Variants in RNF111 observed in about 807,000 individuals in gnomAD.
The protein encoded by RNF111 is E3 ubiquitin-protein ligase Arkadia.
A neutral mutation model predicts 95.1 loss-of-function variants in RNF111; 17 were observed. The observed-to-expected ratio is 0.18, with a 90% confidence interval of 0.12 to 0.27. RNF111 has a LOEUF of 0.27. Among genes scored for constraint, RNF111 ranks in the 10% least tolerant of loss-of-function variants. The pLI is 1.00. For synonymous variants in RNF111, 440 were observed against 414.8 expected (o/e 1.06, Z -0.74); for missense variants, 1,189 against 1,210.4 (o/e 0.98, Z 0.26).
At chr15:59,008,181 T>C (rs1336656294) in intron 1 of RNF111, among the ~76,000 whole-genome samples, 3 of 152,186 alleles carry the variant, frequency 2.0e-5, no homozygotes, top group African/African-American at 7.2e-5. Flanking sequence ...GATTCCTTTT[T>C]TTCCTATCTG....
At chr15:59,066,225 C>T (rs1406730721) in intron 5 of RNF111, among the ~76,000 whole-genome samples, 4 of 152,202 alleles carry the variant, frequency 2.6e-5, no homozygotes, top group Admixed American at 6.5e-5. Context: ...TTACACATCA[C>T]AGTAAATATG....
intron 6 of RNF111, among the ~76,000 whole-genome samples, chr15:59,067,979 G>A (rs941012129): frequency 5.3e-5 from 8 of 152,172 alleles, no homozygotes; most frequent in South Asian, 2.1e-4. Flanking sequence ...TATTGAGTTC[G>A]CAAAATGTCA....
chr15:59,071,627 G>A (rs374341831), intron 6 of RNF111, among the ~76,000 whole-genome samples: 47 of 151,860 alleles, frequency 3.1e-4, no homozygotes, highest in African/African-American at 1.1e-3. Flanking sequence ...CCTAGGAGGT[G>A]GAGCTTGCAG....
chr15:59,020,490 G>A (rs190517776), intron 1 of RNF111, among the ~76,000 whole-genome samples: 1 of 152,210 alleles, frequency 6.6e-6, no homozygotes, highest in East Asian at 1.9e-4. Flanking sequence ...CCTTCATTTT[G>A]CTATTGGCTG....
intron 1 of RNF111, among the ~76,000 whole-genome samples, chr15:58,997,987 C>G (rs2039156075): frequency 6.6e-6 from 1 of 151,740 alleles, no homozygotes; most frequent in African/African-American, 2.4e-5. Context: ...TCACTGTAAT[C>G]TCTGCCTCCC....
intron 5 of RNF111, among the ~76,000 whole-genome samples, chr15:59,064,955 A>G (rs1321416437): frequency 6.6e-6 from 1 of 151,890 alleles, no homozygotes; most frequent in Non-Finnish European, 1.5e-5. Flanking sequence ...TGAACCCATA[A>G]TTCCCTTTAT....
chr15:58,990,523 G>C (rs377105852), intron 1 of RNF111, among the ~76,000 whole-genome samples: 10 of 152,252 alleles, frequency 6.6e-5, no homozygotes, highest in Non-Finnish European at 1.0e-4. Flanking sequence ...AGTGGTGTGC[G>C]CCTGTAGTCC....
At chr15:59,017,220 G>A (rs776077215) in intron 1 of RNF111, among the ~76,000 whole-genome samples, 3 of 140,508 alleles carry the variant, frequency 2.1e-5, no homozygotes, top group Non-Finnish European at 3.1e-5. Flanking sequence ...GTTGGAAACC[G>A]CTGCTGTGTA....
Position 59,057,451 on chromosome 15 carries a change from C to T in RNF111, c.1172-905C>T, listed in dbSNP as rs186150167. 1.8e-4 allele frequency among the ~76,000 whole-genome samples: 27 copies of T among 152,314 alleles called. No individual in the cohort carries two copies. In the East Asian group the frequency reaches 5.0e-3, roughly 28 times the overall value. On this transcript the variant is annotated intron_variant, in intron 4 of 13. Coordinates refer to ENST00000348370, the MANE Select transcript of RNF111 (RefSeq NM_017610.8). ...TACCTTACTGCATTGTATAGAAAGTCAACCCTCTCATTCCATAGCACATTA... is the reference window on the plus strand; with the variant it reads ...TACCTTACTGCATTGTATAGAAAGTTAACCCTCTCATTCCATAGCACATTA...
At chr15:59,071,027 G>T (rs2042900130) in intron 6 of RNF111, among the ~76,000 whole-genome samples, 1 of 152,114 alleles carries the variant, frequency 6.6e-6, no homozygotes, top group Non-Finnish European at 1.5e-5. Flanking sequence ...GCCGGGCGCG[G>T]TGGCTCACGC....
At chr15:58,993,397 G>A (rs1284566778) in intron 1 of RNF111, among the ~76,000 whole-genome samples, 1 of 151,714 alleles carries the variant, frequency 6.6e-6, no homozygotes, top group Non-Finnish European at 1.5e-5. Context: ...AATTAGCTGG[G>A]CGTGGTGGTG....
At chr15:59,052,186 C>A in intron 2 of RNF111, 119 bp from the exon 3 acceptor site, 1 of 891,616 alleles carries the variant, frequency 1.1e-6, no homozygotes, top group Non-Finnish European at 1.6e-6. Context: ...ACCTTTTTGA[C>A]AGATAAGATT....
intron 2 of RNF111, among the ~76,000 whole-genome samples, chr15:59,047,113 A>G (rs1252248577): frequency 6.6e-6 from 1 of 152,108 alleles, no homozygotes; most frequent in Non-Finnish European, 1.5e-5. Context: ...ATGAGCCATC[A>G]TGCCTGGCCA....
chr15:59,023,398 T>C (rs548330871), intron 1 of RNF111, among the ~76,000 whole-genome samples: 1 of 152,374 alleles, frequency 6.6e-6, no homozygotes, highest in East Asian at 1.9e-4. Flanking sequence ...TTTGTGTCTC[T>C]TGTTAAATTT....
rs117329856 is a variant in RNF111 at position 59,053,758 on chromosome 15, C to T, written c.1007+1327C>T. On this transcript the variant is annotated intron_variant, in intron 3 of 13. Coordinates refer to ENST00000348370, the MANE Select transcript of RNF111 (RefSeq NM_017610.8). ...TACAGACCTATTTTTCCTTGTAGGA[C>T]TAGAGATCTTGTTTTGGACATGGTT... Among the ~76,000 whole-genome samples the T allele has an allele frequency of 1.6e-4, 25 of 152,166 alleles. No homozygotes were observed. In the East Asian group the frequency reaches 4.6e-3, roughly 28 times the overall value.
At chr15:59,000,444 G>A (rs1215240353) in intron 1 of RNF111, among the ~76,000 whole-genome samples, 4 of 151,994 alleles carry the variant, frequency 2.6e-5, no homozygotes. Context: ...GGGCCTGGTG[G>A]CTCACATCTG....
intron 2 of RNF111, among the ~76,000 whole-genome samples, chr15:59,045,581 T>C (rs1240301106): frequency 2.6e-5 from 4 of 152,208 alleles, no homozygotes; most frequent in Non-Finnish European, 4.4e-5. Context: ...CATATAGATA[T>C]AACTTTTCTC....
intron 1 of RNF111, among the ~76,000 whole-genome samples, chr15:59,023,824 G>T (rs1272409846): frequency 2.6e-5 from 4 of 152,002 alleles, no homozygotes; most frequent in Non-Finnish European, 5.9e-5. Flanking sequence ...AACAAACCAT[G>T]TCTGTGAGCT....
intron 1 of RNF111, among the ~76,000 whole-genome samples, chr15:59,012,194 T>G (rs182040651): frequency 1.3e-4 from 19 of 151,948 alleles, no homozygotes; most frequent in African/African-American, 4.3e-4. Context: ...GATTTTTGTA[T>G]TTTTAGTAGA....
Sources: allele counts gnomAD v4.1 joint callset (sites outside exome capture counted in the v4.1 genomes callset), GRCh38; gene constraint gnomAD v4.1.1; transcripts MANE v1.5; gene names NCBI Gene and HGNC (gene_info 2026-07-23, HGNC 2026-07-21).